TPM3: variants seen among roughly 807,000 people sequenced by gnomAD.
TPM3 encodes tropomyosin 3.
Under a neutral mutation model 43.1 loss-of-function variants are expected in TPM3, and 16 were observed. The ratio of observed to expected loss-of-function variants is 0.37; its 90% CI spans 0.25 to 0.56. The LOEUF is 0.56. TPM3 is among the 20% of genes least tolerant of loss of function. The pLI is 0.77. For missense variants in TPM3, 176 were observed against 337.2 expected (o/e 0.52, Z 3.74); for synonymous variants, 101 against 116.9 (o/e 0.86, Z 0.88).
chr1:154,183,433 G>T (rs897847908), intron 2 of TPM3, among the ~76,000 whole-genome samples: 1 of 152,084 alleles, frequency 6.6e-6, no homozygotes, highest in African/African-American at 2.4e-5. Context: ...GCGGCGCTTC[G>T]TGCCCTAGCC....
chr1:154,158,993 T>G (rs747302609), downstream of TPM3: 7 of 780,752 alleles, frequency 9.0e-6, no homozygotes, highest in South Asian at 9.4e-5. Context: ...CATGCAGCGT[T>G]AGCTTCAGCT....
intron 2 of TPM3, among the ~76,000 whole-genome samples, chr1:154,188,389 G>A (rs12026475): frequency 0.33 from 49,694 of 151,342 alleles, 9,248 homozygotes; most frequent in Admixed American, 0.48. Flanking sequence ...AGTTTGTGGC[G>A]GCCTGGCCGG....
At chr1:154,175,577 T>G (rs1662216235) in intron 3 of TPM3, among the ~76,000 whole-genome samples, 1 of 152,190 alleles carries the variant, frequency 6.6e-6, no homozygotes, top group Non-Finnish European at 1.5e-5. Flanking sequence ...GCATAGGAGC[T>G]GAGAATGTGA....
intron 2 of TPM3, among the ~76,000 whole-genome samples, chr1:154,188,106 A>C (rs1330938327): frequency 6.6e-6 from 1 of 151,516 alleles, no homozygotes; most frequent in African/African-American, 2.4e-5. Flanking sequence ...CCTAGGCTGG[A>C]GTGCAGTAGC....
intron 5 of TPM3, chr1:154,171,913 G>A: frequency 9.6e-7 from 1 of 1,037,534 alleles, no homozygotes; most frequent in South Asian, 1.3e-5. Flanking sequence ...ATTCCATGAA[G>A]AGATGAGACA....
intron 2 of TPM3, among the ~76,000 whole-genome samples, chr1:154,187,684 G>A (rs996467844): frequency 6.6e-6 from 1 of 151,464 alleles, no homozygotes; most frequent in Non-Finnish European, 1.5e-5. Flanking sequence ...TGATTTTGAT[G>A]TATTGCGTAC....
intron 2 of TPM3, among the ~76,000 whole-genome samples, chr1:154,184,033 TTTTA>T (rs1402533279): frequency 6.6e-6 from 1 of 151,494 alleles, no homozygotes; most frequent in Non-Finnish European, 1.5e-5. Context: ...CTCCCTGTTA[TTTTA>T]TTTATTTTTG....
At chr1:154,178,337 T>C in intron 2 of TPM3, 1 of 231,368 alleles carries the variant, frequency 4.3e-6, no homozygotes, top group Non-Finnish European at 7.1e-6. Flanking sequence ...GGAAAACACA[T>C]CTTGGTGCCC....
intron 3 of TPM3, among the ~76,000 whole-genome samples, chr1:154,175,367 T>C (rs1430096006): frequency 6.6e-6 from 1 of 151,528 alleles, no homozygotes; most frequent in Admixed American, 6.6e-5. Context: ...CTGGAGAACT[T>C]TAAAAACATC....
At chr1:154,179,233 A>C (rs559910911) in intron 2 of TPM3, among the ~76,000 whole-genome samples, 1 of 152,316 alleles carries the variant, frequency 6.6e-6, no homozygotes, top group Admixed American at 6.5e-5. Flanking sequence ...TTTAAACTTC[A>C]CCAAAGGGGA....
downstream of TPM3, chr1:154,158,494 G>A (rs554949408): frequency 1.4e-5 from 4 of 279,030 alleles, no homozygotes; most frequent in East Asian, 2.2e-4. Flanking sequence ...ACTCAGAGAA[G>A]GTGATGGCAA....
chr1:154,162,455 GCTAAGATAAAGCTGCCAAACAGAATAGGT>G lies in TPM3; in HGVS notation c.*5453_*5481del, dbSNP rs529287691. Among the ~76,000 whole-genome samples the G allele has an allele frequency of 1.1e-3, 168 of 151,976 alleles. 1 individual carries two copies. Among genetic ancestry groups the G allele is most frequent in the African/African-American group, 3.8e-3 (156 of 41,446 alleles). ...TGTGAAAGGAAGAGATTTGGTTGGG[GCTAAGATAAAGCTGCCAAACAGAATAGGT>G]CTAAGATAAAGCTGCCAAACAGAAT... On this transcript the variant is annotated 3_prime_UTR_variant, in exon 10 of 10. Coordinates refer to ENST00000651641, the MANE Select transcript of TPM3 (RefSeq NM_152263.4).
chr1:154,183,338 C>A (rs914539235), intron 2 of TPM3: 61 of 1,446,528 alleles, frequency 4.2e-5, no homozygotes, highest in Non-Finnish European at 5.2e-5. Flanking sequence ...TCCTCCCAGT[C>A]GCCCTGGAGT....
At chr1:154,159,525 C>T (rs770448246), downstream of TPM3, among the ~76,000 whole-genome samples, 4 of 152,230 alleles carry the variant, frequency 2.6e-5, no homozygotes, top group Non-Finnish European at 4.4e-5. Flanking sequence ...TCATTCACTC[C>T]TATACTTTCT....
chr1:154,156,439 T>C, downstream of TPM3: 1 of 191,190 alleles, frequency 5.2e-6, no homozygotes, highest in Non-Finnish European at 1.1e-5. Context: ...TATTGATTTC[T>C]CTTTCTCCCA....
At chr1:154,186,064 G>A (rs1663400890) in intron 2 of TPM3, among the ~76,000 whole-genome samples, 1 of 151,602 alleles carries the variant, frequency 6.6e-6, no homozygotes, top group Non-Finnish European at 1.5e-5. Flanking sequence ...AGACTATTCA[G>A]AAGAAACAAC....
intron 9 of TPM3, among the ~76,000 whole-genome samples, chr1:154,169,088 G>A (rs900677076): frequency 4.0e-5 from 6 of 150,668 alleles, no homozygotes; most frequent in Non-Finnish European, 5.9e-5. Flanking sequence ...CACCTGCCTC[G>A]GCCTCCCAAA....
chr1:154,155,606 G>A (rs185606717), downstream of TPM3: 16 of 235,458 alleles, frequency 6.8e-5, no homozygotes, highest in Non-Finnish European at 1.0e-4. Flanking sequence ...TCACACAGCC[G>A]GCCTCTAAGC....
chr1:154,172,121 C>A (rs766031977), intron 5 of TPM3: 2 of 1,613,428 alleles, frequency 1.2e-6, no homozygotes, highest in African/African-American at 1.3e-5. Flanking sequence ...GTGATAGTCA[C>A]GGGGATGGCA....
Sources: gnomAD v4.1 joint callset for allele counts (sites outside exome capture counted in the v4.1 genomes callset) on GRCh38, gnomAD v4.1.1 for gene constraint, MANE v1.5 for transcripts, NCBI Gene and HGNC (gene_info 2026-07-23, HGNC 2026-07-21) for gene names.